The following DSCAM variants were observed in gnomAD, a reference collection of about 807,000 sequenced individuals.
DSCAM encodes DS cell adhesion molecule, also known as cell adhesion molecule DSCAM.
DSCAM carries 47 observed loss-of-function variants against 217.7 expected under a neutral mutation model. That is an observed-to-expected ratio of 0.22 (90% CI 0.17 to 0.28). DSCAM has a LOEUF of 0.28. DSCAM is among the 10% of genes least tolerant of loss of function. The pLI, the probability that DSCAM is intolerant of heterozygous loss-of-function variation, is 1.00. For synonymous variants in DSCAM, 1,056 were observed against 1,015.3 expected, an observed-to-expected ratio of 1.04 and a Z score of -0.76; for missense variants, 2,080 against 2,618.3, an observed-to-expected ratio of 0.79 and a Z score of 4.49.
chr21:40,539,019 G>A (rs1483127317), intron 3 of DSCAM, among the ~76,000 whole-genome samples: 2 of 152,064 alleles, frequency 1.3e-5, no homozygotes, highest in Non-Finnish European at 2.9e-5. Context: ...GACTTTCATA[G>A]AACAAAACTT....
chr21:40,399,582 T>G (rs1054365716), intron 3 of DSCAM, among the ~76,000 whole-genome samples: 1 of 152,220 alleles, frequency 6.6e-6, no homozygotes, highest in African/African-American at 2.4e-5. Flanking sequence ...TCTAAACGTA[T>G]CTTCTCTGCA....
At chr21:40,646,644 A>G (rs1299352185) in intron 3 of DSCAM, among the ~76,000 whole-genome samples, 1 of 152,242 alleles carries the variant, frequency 6.6e-6, no homozygotes, top group African/African-American at 2.4e-5. Flanking sequence ...AAAAGCGAAG[A>G]GTGGCTGGCA....
intron 9 of DSCAM, among the ~76,000 whole-genome samples, chr21:40,307,482 G>T (rs1418467034): frequency 2.6e-5 from 4 of 152,188 alleles, no homozygotes; most frequent in Non-Finnish European, 4.4e-5. Context: ...TACACTGTTG[G>T]TGGGACTGTA....
intron 6 of DSCAM, among the ~76,000 whole-genome samples, chr21:40,341,836 GTT>G (rs202083647): frequency 6.6e-6 from 1 of 151,880 alleles, no homozygotes; most frequent in Non-Finnish European, 1.5e-5. Flanking sequence ...CCTCGTCACT[GTT>G]TTTTTTCCAG....
intron 20 of DSCAM, among the ~76,000 whole-genome samples, chr21:40,109,575 A>T (rs1789584177): frequency 6.6e-6 from 1 of 152,208 alleles, no homozygotes. Context: ...TGGACGCAGG[A>T]CAGCGGGTGC....
intron 10 of DSCAM, among the ~76,000 whole-genome samples, chr21:40,290,366 T>C (rs1054736448): frequency 2.6e-5 from 4 of 152,216 alleles, no homozygotes; most frequent in African/African-American, 7.2e-5. Context: ...CTCACGTCTG[T>C]AATCCCAGCA....
At position 40,237,250 on chromosome 21, in the gene DSCAM, A is replaced by G. The variant is rs759266320; in HGVS notation, c.2356+38847T>C. On this transcript the variant is annotated intron_variant, in intron 11 of 32. Transcript: ENST00000400454. ...ATTATTATACTTTAAGTTCTGGGGT[A>G]CATGTGGAGAACATGCAGGTTTGTT... Among the ~76,000 whole-genome samples, 13 of 152,168 alleles carry G rather than the reference A, an allele frequency of 8.5e-5. 1 individual carries two copies. Among genetic ancestry groups the G allele is most frequent in the Non-Finnish European group, 1.8e-4 (12 of 68,024 alleles).
At chr21:40,447,607 C>T (rs2075685251) in intron 3 of DSCAM, among the ~76,000 whole-genome samples, 1 of 152,164 alleles carries the variant, frequency 6.6e-6, no homozygotes, top group African/African-American at 2.4e-5. Context: ...GCAAACTTTC[C>T]TTTTCTTGGT....
At chr21:40,385,222 C>A (rs1435089100) in intron 3 of DSCAM, 1 of 152,126 alleles carries the variant, frequency 6.6e-6, no homozygotes, top group Admixed American at 6.5e-5. Flanking sequence ...TCCCATCCAA[C>A]GTTATGTTTC....
intron 32 of DSCAM, among the ~76,000 whole-genome samples, chr21:40,015,771 A>C (rs2088146534): frequency 6.6e-6 from 1 of 152,090 alleles, no homozygotes; most frequent in Admixed American, 6.5e-5. Flanking sequence ...CCCTGTTTCA[A>C]GGCTTTAATA....
At chr21:40,414,528 T>A (rs2075352833) in intron 3 of DSCAM, among the ~76,000 whole-genome samples, 1 of 152,346 alleles carries the variant, frequency 6.6e-6, no homozygotes, top group East Asian at 1.9e-4. Context: ...ATGCAAAATA[T>A]TAATGAATAA....
intron 1 of DSCAM, among the ~76,000 whole-genome samples, chr21:40,834,016 C>A (rs1043495106): frequency 1.3e-5 from 2 of 152,104 alleles, no homozygotes; most frequent in East Asian, 1.9e-4. Flanking sequence ...TCTGTGGGTG[C>A]AAAATTGCCC....
chr21:40,206,902 CTT>C (rs1159982857), intron 11 of DSCAM, among the ~76,000 whole-genome samples: 2 of 152,148 alleles, frequency 1.3e-5, no homozygotes, highest in Admixed American at 6.5e-5. Context: ...CAGAACAAGA[CTT>C]TGTCTCAAAA....
chr21:40,564,598 C>G (rs1413506485), intron 3 of DSCAM, among the ~76,000 whole-genome samples: 1 of 152,128 alleles, frequency 6.6e-6, no homozygotes, highest in Non-Finnish European at 1.5e-5. Context: ...ACCCTGCCTC[C>G]TACAAAAAGG....
intron 3 of DSCAM, among the ~76,000 whole-genome samples, chr21:40,529,117 G>C (rs527360661): frequency 9.2e-5 from 14 of 151,816 alleles, no homozygotes; most frequent in Non-Finnish European, 1.5e-4. Flanking sequence ...TATTAGCCAG[G>C]ATGGTCTCGA....
chr21:40,402,289 T>C (rs2075243302), intron 3 of DSCAM, among the ~76,000 whole-genome samples: 1 of 138,412 alleles, frequency 7.2e-6, no homozygotes, highest in African/African-American at 2.6e-5. Context: ...CAGGATGGTC[T>C]CAGTCTCCTG....
At chr21:40,782,815 ATAAG>A (rs2091560425) in intron 1 of DSCAM, among the ~76,000 whole-genome samples, 1 of 152,238 alleles carries the variant, frequency 6.6e-6, no homozygotes, top group Admixed American at 6.5e-5. Flanking sequence ...TATTAAATAA[ATAAG>A]TGTCATATTA....
At chr21:40,590,098 A>G (rs761884696) in intron 3 of DSCAM, among the ~76,000 whole-genome samples, 55 of 152,248 alleles carry the variant, frequency 3.6e-4, no homozygotes, top group Non-Finnish European at 7.1e-4. Flanking sequence ...CAAACACTGA[A>G]TATGAATCTC....
At chr21:40,465,620 A>G (rs1209702525) in intron 3 of DSCAM, among the ~76,000 whole-genome samples, 1 of 152,196 alleles carries the variant, frequency 6.6e-6, no homozygotes, top group South Asian at 2.1e-4. Context: ...GCCCAACACT[A>G]ATGTGTAAAC....
Sources: gnomAD v4.1 joint callset for allele counts (sites outside exome capture counted in the v4.1 genomes callset) on GRCh38, gnomAD v4.1.1 for gene constraint, MANE v1.5 for transcripts, NCBI Gene and HGNC (gene_info 2026-07-23, HGNC 2026-07-21) for gene names.